The following KLRG1 variants were observed in gnomAD, a reference collection of about 807,000 sequenced individuals.
KLRG1 encodes the protein killer cell lectin-like receptor subfamily G member 1.
A neutral mutation model predicts 21.8 loss-of-function variants in KLRG1; 16 were observed. The ratio of observed to expected loss-of-function variants is 0.73; its 90% CI spans 0.50 to 1.11. KLRG1 has a LOEUF of 1.11. Among genes scored for constraint, KLRG1 ranks in the 50% most tolerant of loss-of-function variants. The probability of loss-of-function intolerance (pLI) is 0.00; values close to 1 mark genes in which losing one functional copy is unlikely to be tolerated. For missense variants in KLRG1, 173 were observed against 218.3 expected (o/e 0.79, Z 1.31); for synonymous variants, 69 against 75.9 (o/e 0.91, Z 0.47).
At chr12:9,146,169 A>G in the KLRG1 span, among the ~76,000 whole-genome samples, 1 of 151,990 alleles carries the variant, frequency 6.6e-6, no homozygotes, top group African/African-American at 2.4e-5. Context: ...ATAATGGTCA[A>G]TTTGATGGTG....
At chr12:9,159,903 C>G in the KLRG1 span, 4 of 1,543,026 alleles carry the variant, frequency 2.6e-6, no homozygotes, top group Non-Finnish European at 3.6e-6. Context: ...GTTCTGAACT[C>G]ATAGTTGAAA....
chr12:9,139,356 C>G, the KLRG1 span, among the ~76,000 whole-genome samples: 2 of 151,930 alleles, frequency 1.3e-5, no homozygotes, highest in Non-Finnish European at 2.9e-5. Flanking sequence ...GTGACTTATC[C>G]TGGGGAAGGA....
the KLRG1 span, among the ~76,000 whole-genome samples, chr12:9,117,596 CAGA>C: frequency 6.6e-6 from 1 of 151,994 alleles, no homozygotes; most frequent in African/African-American, 2.4e-5. Flanking sequence ...TTGGTGGGAG[CAGA>C]AGGAGGACAG....
chr12:9,094,452 C>T, the KLRG1 span, among the ~76,000 whole-genome samples: 12 of 148,556 alleles, frequency 8.1e-5, no homozygotes, highest in African/African-American at 3.0e-4. Flanking sequence ...ATAAAATATG[C>T]GGTAGGCTTC....
intron 3 of KLRG1, among the ~76,000 whole-genome samples, chr12:9,000,443 A>G (rs1947271762): frequency 1.3e-5 from 2 of 152,188 alleles, no homozygotes; most frequent in African/African-American, 4.8e-5. Flanking sequence ...TATTTTAACC[A>G]TTTTCAAGTG....
chr12:9,149,417 C>T, the KLRG1 span: 20 of 732,212 alleles, frequency 2.7e-5, no homozygotes, highest in South Asian at 2.3e-4. Context: ...AGGCATGCTA[C>T]GCCACAGTTT....
the KLRG1 span, among the ~76,000 whole-genome samples, chr12:9,030,982 G>A: frequency 4.6e-5 from 7 of 152,338 alleles, no homozygotes; most frequent in South Asian, 2.1e-4. Context: ...CTCCCGGCAG[G>A]GGGTAGTGAG....
the KLRG1 span, among the ~76,000 whole-genome samples, chr12:9,021,803 C>G: frequency 2.6e-5 from 4 of 152,184 alleles, no homozygotes; most frequent in South Asian, 4.1e-4. Flanking sequence ...TCTTGTCCCA[C>G]TGGAAGGCCT....
At chr12:9,077,551 A>G in the KLRG1 span, 2 of 1,468,366 alleles carry the variant, frequency 1.4e-6, no homozygotes, top group Non-Finnish European at 1.9e-6. Context: ...TATCACAATC[A>G]ACTTTTGTTC....
the KLRG1 span, chr12:9,161,019 G>A: frequency 6.5e-7 from 1 of 1,548,020 alleles, no homozygotes; most frequent in Non-Finnish European, 8.9e-7. Context: ...TTTACTAAAT[G>A]GAAGGTGACT....
chr12:9,129,065 C>G, the KLRG1 span, among the ~76,000 whole-genome samples: 2 of 152,136 alleles, frequency 1.3e-5, no homozygotes, highest in African/African-American at 2.4e-5. Flanking sequence ...CTCTCTTTCT[C>G]TTTTTCTCTT....
At chr12:9,131,644 C>T in the KLRG1 span, among the ~76,000 whole-genome samples, 2 of 151,894 alleles carry the variant, frequency 1.3e-5, no homozygotes, top group East Asian at 1.9e-4. Flanking sequence ...TAGAACAGTA[C>T]CTAGCACGCA....
At chr12:9,204,313 AC>A in the KLRG1 span, among the ~76,000 whole-genome samples, 3 of 152,300 alleles carry the variant, frequency 2.0e-5, no homozygotes, top group East Asian at 5.8e-4. Flanking sequence ...ACGCACACAA[AC>A]ACACACACAT....
At chr12:9,134,362 G>T in the KLRG1 span, among the ~76,000 whole-genome samples, 1 of 152,092 alleles carries the variant, frequency 6.6e-6, no homozygotes, top group Non-Finnish European at 1.5e-5. Context: ...TACTTCGGTT[G>T]CTACAAGAAA....
chr12:9,161,396 G>A, the KLRG1 span, among the ~76,000 whole-genome samples: 5 of 152,096 alleles, frequency 3.3e-5, no homozygotes, highest in Non-Finnish European at 7.4e-5. Flanking sequence ...TCTCCTTGTG[G>A]AACTCTGGGT....
chr12:9,129,170 G>T, the KLRG1 span, among the ~76,000 whole-genome samples: 1 of 151,826 alleles, frequency 6.6e-6, no homozygotes, highest in African/African-American at 2.4e-5. Context: ...AATAACAATC[G>T]GTATTCATTA....
chr12:9,014,886 TA>T (rs765414126), downstream of KLRG1, among the ~76,000 whole-genome samples: 7 of 152,206 alleles, frequency 4.6e-5, no homozygotes, highest in Non-Finnish European at 7.4e-5. Context: ...GTAGAGTTTT[TA>T]TTTGTTTTCT....
At chr12:9,036,833 G>A in the KLRG1 span, 1 of 427,492 alleles carries the variant, frequency 2.3e-6, no homozygotes, top group South Asian at 2.0e-5. Context: ...GGCTTGCTGG[G>A]TACCAGATGA....
the KLRG1 span, chr12:9,192,344 A>C: frequency 1.4e-6 from 2 of 1,386,610 alleles, no homozygotes; most frequent in Non-Finnish European, 2.0e-6. Context: ...TTCAGTTGTC[A>C]AGTCTGTGCT....
Sources: gnomAD v4.1 joint callset for allele counts (sites outside exome capture counted in the v4.1 genomes callset) on GRCh38, gnomAD v4.1.1 for gene constraint, MANE v1.5 for transcripts, NCBI Gene and HGNC (gene_info 2026-07-23, HGNC 2026-07-21) for gene names.